Variants in ADAMTS17 observed in about 807,000 individuals in gnomAD.
ADAMTS17 encodes the protein ADAM metallopeptidase with thrombospondin type 1 motif 17, also known as A disintegrin and metalloproteinase with thrombospondin motifs 17.
A neutral mutation model predicts 141.5 loss-of-function variants in ADAMTS17; 113 were observed. That is an observed-to-expected ratio of 0.80 (90% CI 0.69 to 0.93). ADAMTS17 has a LOEUF of 0.93. Among genes scored for constraint, ADAMTS17 ranks in the 40% least tolerant of loss-of-function variants. ADAMTS17 has a pLI of 0.00. For synonymous variants in ADAMTS17, 768 were observed against 630.6 expected (o/e 1.22, Z -3.27); for missense variants, 1,659 against 1,517.9 (o/e 1.09, Z -1.54).
At chr15:100,063,858 A>C in intron 15 of ADAMTS17, 1 of 793,152 alleles carries the variant, frequency 1.3e-6, no homozygotes, top group Non-Finnish European at 1.9e-6. Context: ...AGCCCCCCAC[A>C]GTGGCTTCAG....
intron 9 of ADAMTS17, 141 bp from the exon 10 acceptor site, chr15:100,152,903 G>C: frequency 1.5e-6 from 1 of 670,476 alleles, no homozygotes; most frequent in South Asian, 2.7e-5. Context: ...GCAGGCACTG[G>C]ACACACAGAC....
At chr15:100,233,853 G>C (rs1433635481) in intron 7 of ADAMTS17, among the ~76,000 whole-genome samples, 1 of 152,102 alleles carries the variant, frequency 6.6e-6, no homozygotes, top group African/African-American at 2.4e-5. Flanking sequence ...GGCTGAGGCA[G>C]AGGTGGCTTC....
At chr15:100,082,353 C>G (rs1330577410) in intron 15 of ADAMTS17, among the ~76,000 whole-genome samples, 1 of 151,744 alleles carries the variant, frequency 6.6e-6, no homozygotes, top group Non-Finnish European at 1.5e-5. Flanking sequence ...CGTGAGCCAC[C>G]GTGCCTGGCC....
chr15:100,073,857 A>G (rs2034171668), intron 15 of ADAMTS17, among the ~76,000 whole-genome samples: 2 of 152,032 alleles, frequency 1.3e-5, no homozygotes, highest in African/African-American at 4.8e-5. Flanking sequence ...TGGCACATGT[A>G]TACATATGTA....
chr15:100,078,637 A>T (rs190727447), intron 15 of ADAMTS17, among the ~76,000 whole-genome samples: 64 of 152,362 alleles, frequency 4.2e-4, no homozygotes, highest in Admixed American at 1.6e-3. Context: ...CATAGGGGTA[A>T]ATCTTCATGA....
At chr15:100,334,990 G>A (rs185107323) in intron 2 of ADAMTS17, among the ~76,000 whole-genome samples, 3 of 151,978 alleles carry the variant, frequency 2.0e-5, no homozygotes, top group Non-Finnish European at 2.9e-5. Context: ...CTCCCCATAC[G>A]GCTAGCCCCA....
chr15:100,316,413 G>C (rs898628324), intron 3 of ADAMTS17, among the ~76,000 whole-genome samples: 2 of 152,212 alleles, frequency 1.3e-5, no homozygotes, highest in East Asian at 1.9e-4. Context: ...GCCATCCGTG[G>C]GTCACGTCTG....
Position 100,107,739 on chromosome 15 carries a change from C to T in ADAMTS17, c.2016+1250G>A, listed in dbSNP as rs570068178. Among the ~76,000 whole-genome samples, 12 of 152,228 alleles carry T rather than the reference C, an allele frequency of 7.9e-5. No homozygotes were observed. In the South Asian group the frequency reaches 2.5e-3, roughly 32 times the overall value. Reference sequence around the variant, plus strand: ...GAAACACTGTCTATGATAAGCGACCCCTCATCAGATCCCAAATCTGCCTGT... The same window carrying T: ...GAAACACTGTCTATGATAAGCGACCTCTCATCAGATCCCAAATCTGCCTGT... On this transcript the variant is annotated intron_variant, in intron 14 of 21. Transcript: ENST00000268070.
chr15:100,077,576 T>A (rs929667341), intron 15 of ADAMTS17, among the ~76,000 whole-genome samples: 8 of 152,078 alleles, frequency 5.3e-5, no homozygotes, highest in African/African-American at 1.7e-4. Flanking sequence ...CACTCCTTCC[T>A]GATAAAAATA....
intron 12 of ADAMTS17, among the ~76,000 whole-genome samples, chr15:100,118,710 C>T (rs77823636): frequency 1.5e-4 from 23 of 152,222 alleles, no homozygotes; most frequent in East Asian, 1.4e-3. Flanking sequence ...CCACGGAACA[C>T]GGCATGGAAG....
intron 10 of ADAMTS17, among the ~76,000 whole-genome samples, chr15:100,145,243 G>A (rs898471940): frequency 1.3e-5 from 2 of 152,142 alleles, no homozygotes; most frequent in Non-Finnish European, 2.9e-5. Context: ...TCTTAGCAAC[G>A]GTCTTTGGGG....
In ADAMTS17 at chr15:100,251,745, A is replaced by T. The variant is rs955723323; in HGVS notation, c.1075+2391T>A. Reference sequence around the variant, plus strand: ...AGAGCGAGACTCTACCTCAACAACAAAAAAAGCTAATTAAGGTTATGTGAG... The same window carrying T: ...AGAGCGAGACTCTACCTCAACAACATAAAAAGCTAATTAAGGTTATGTGAG... On this transcript the variant is annotated intron_variant, in intron 7 of 21. Transcript: ENST00000268070. 2.6e-5 allele frequency among the ~76,000 whole-genome samples: 4 copies of T among 152,200 alleles called. No homozygotes were observed. The East Asian group carries it at 7.7e-4, about 29-fold the overall frequency.
chr15:100,088,984 C>G (rs2035280249), intron 15 of ADAMTS17, among the ~76,000 whole-genome samples: 1 of 151,490 alleles, frequency 6.6e-6, no homozygotes, highest in Admixed American at 6.6e-5. Context: ...CCAAAATTGA[C>G]AAATGGGATC....
At chr15:100,075,936 G>C (rs546728941) in intron 15 of ADAMTS17, among the ~76,000 whole-genome samples, 3 of 152,094 alleles carry the variant, frequency 2.0e-5, no homozygotes, top group African/African-American at 7.2e-5. Flanking sequence ...CCTCTCCTAC[G>C]TATGTCCTCA....
At chr15:100,192,910 C>T (rs111591097) in intron 8 of ADAMTS17, among the ~76,000 whole-genome samples, 1 of 152,172 alleles carries the variant, frequency 6.6e-6, no homozygotes, top group Admixed American at 6.5e-5. Flanking sequence ...CCACCCACTG[C>T]CCATGGGCCA....
intron 8 of ADAMTS17, among the ~76,000 whole-genome samples, chr15:100,181,570 T>C (rs2040525358): frequency 6.6e-6 from 1 of 152,196 alleles, no homozygotes; most frequent in Admixed American, 6.5e-5. Flanking sequence ...TTCAAGGCAA[T>C]GGGTTTCCTT....
intron 6 of ADAMTS17, chr15:100,256,463 G>A (rs769203543): frequency 7.2e-5 from 11 of 152,222 alleles, no homozygotes; most frequent in Non-Finnish European, 1.3e-4. Flanking sequence ...GACGTTTCCA[G>A]ACCCTTTCAA....
chr15:100,127,618 G>A (rs1416037259), intron 12 of ADAMTS17, among the ~76,000 whole-genome samples: 3 of 152,206 alleles, frequency 2.0e-5, no homozygotes, highest in Non-Finnish European at 2.9e-5. Flanking sequence ...GTCCCACTCT[G>A]TCACTCAGGC....
At chr15:100,313,007 C>T (rs113137730) in intron 3 of ADAMTS17, among the ~76,000 whole-genome samples, 7 of 152,168 alleles carry the variant, frequency 4.6e-5, no homozygotes, top group South Asian at 2.1e-4. Flanking sequence ...TCAATTTTCA[C>T]GGAAGAAAGG....
Sources: allele counts gnomAD v4.1 joint callset (sites outside exome capture counted in the v4.1 genomes callset), GRCh38; gene constraint gnomAD v4.1.1; transcripts MANE v1.5; gene names NCBI Gene and HGNC (gene_info 2026-07-23, HGNC 2026-07-21).